The following CCDC73 variants were observed in gnomAD, a reference collection of about 807,000 sequenced individuals.
The protein encoded by CCDC73 is coiled-coil domain containing 73.
Under a neutral mutation model 116.5 loss-of-function variants are expected in CCDC73, and 95 were observed. That is an observed-to-expected ratio of 0.82 (90% CI 0.69 to 0.97). CCDC73 has a LOEUF of 0.97. CCDC73 is among the 50% of genes least tolerant of loss of function. The probability of loss-of-function intolerance (pLI) is 0.00; values close to 1 mark genes in which losing one functional copy is unlikely to be tolerated. For synonymous variants in CCDC73, 398 were observed against 401.3 expected (o/e 0.99, Z 0.10); for missense variants, 1,066 against 1,206.8 (o/e 0.88, Z 1.73).
At chr11:32,817,407 T>C in the CCDC73 span, among the ~76,000 whole-genome samples, 2 of 152,354 alleles carry the variant, frequency 1.3e-5, no homozygotes, top group Admixed American at 1.3e-4. Flanking sequence ...AACCAATGTA[T>C]CACCAGTAGA....
chr11:32,805,407 T>A, the CCDC73 span, among the ~76,000 whole-genome samples: 1 of 152,194 alleles, frequency 6.6e-6, no homozygotes, highest in East Asian at 1.9e-4. Flanking sequence ...CCCTGTGACA[T>A]TAATAAGCAT....
chr11:32,795,815 G>A (rs904012886), upstream of CCDC73, among the ~76,000 whole-genome samples: 40 of 151,622 alleles, frequency 2.6e-4, no homozygotes, highest in Non-Finnish European at 4.4e-4. Flanking sequence ...TCAGCCTCCC[G>A]AGTAGCTGGG....
chr11:32,815,641 T>C, the CCDC73 span, among the ~76,000 whole-genome samples: 7 of 152,224 alleles, frequency 4.6e-5, no homozygotes, highest in Admixed American at 1.3e-4. Context: ...GTGTGTTATG[T>C]TTCCTTTGGT....
intron 9 of CCDC73, among the ~76,000 whole-genome samples, chr11:32,671,116 A>T (rs1352727704): frequency 6.6e-6 from 1 of 152,176 alleles, no homozygotes; most frequent in Admixed American, 6.6e-5. Flanking sequence ...AATAAACAGC[A>T]ATGCTTTGAT....
chr11:32,625,871 T>C (rs1272095598), intron 14 of CCDC73, among the ~76,000 whole-genome samples: 1 of 150,844 alleles, frequency 6.6e-6, no homozygotes, highest in Non-Finnish European at 1.5e-5. Flanking sequence ...ACAGCCAATA[T>C]CATACTGAAT....
At chr11:32,775,805 T>C (rs1850528141) in intron 1 of CCDC73, among the ~76,000 whole-genome samples, 2 of 152,268 alleles carry the variant, frequency 1.3e-5, no homozygotes, top group East Asian at 1.9e-4. Flanking sequence ...TATCTCTTAA[T>C]TTACTTCCAG....
chr11:32,645,324 C>T (rs1855768658), intron 12 of CCDC73, among the ~76,000 whole-genome samples: 1 of 123,484 alleles, frequency 8.1e-6, no homozygotes, highest in Non-Finnish European at 1.6e-5. Flanking sequence ...CAAAGTCTTG[C>T]TCTGTTGCCC....
At chr11:32,780,543 T>G (rs766966692) in intron 1 of CCDC73, among the ~76,000 whole-genome samples, 4 of 152,110 alleles carry the variant, frequency 2.6e-5, no homozygotes, top group Non-Finnish European at 4.4e-5. Flanking sequence ...AAGTTTTATG[T>G]TAACGGATGT....
At chr11:32,683,600 C>T in intron 6 of CCDC73, 26 bp from the exon 7 acceptor site, 1 of 1,301,484 alleles carries the variant, frequency 7.7e-7, no homozygotes, top group Non-Finnish European at 1.1e-6. Flanking sequence ...GGAAAAATCT[C>T]ATTAAAATAC....
chr11:32,731,282 A>C (rs924850695), intron 2 of CCDC73, among the ~76,000 whole-genome samples: 1 of 152,190 alleles, frequency 6.6e-6, no homozygotes, highest in Non-Finnish European at 1.5e-5. Flanking sequence ...CAGGAAGCTC[A>C]AACTGAGTAG....
chr11:32,792,008 ACAC>A (rs1850681254), intron 1 of CCDC73, among the ~76,000 whole-genome samples: 1 of 151,648 alleles, frequency 6.6e-6, no homozygotes, highest in Non-Finnish European at 1.5e-5. Context: ...ACACACACAC[ACAC>A]ACACACACAA....
At chr11:32,623,096 C>T (rs1333050255) in intron 14 of CCDC73, among the ~76,000 whole-genome samples, 1 of 152,026 alleles carries the variant, frequency 6.6e-6, no homozygotes, top group Non-Finnish European at 1.5e-5. Flanking sequence ...GTAACCTCTG[C>T]CTTCCGGTTT....
At chr11:32,810,383 G>A in the CCDC73 span, among the ~76,000 whole-genome samples, 2 of 152,120 alleles carry the variant, frequency 1.3e-5, no homozygotes, top group Admixed American at 6.6e-5. Context: ...TGGAATAACT[G>A]AACTTAAAGC....
At chr11:32,636,784 CTA>C (rs1855682510) in intron 13 of CCDC73, among the ~76,000 whole-genome samples, 4 of 151,802 alleles carry the variant, frequency 2.6e-5, no homozygotes, top group African/African-American at 7.3e-5. Flanking sequence ...ATCTTTAAAT[CTA>C]TCTCTGCAAG....
chr11:32,683,450 A>T, intron 7 of CCDC73, 86 bp downstream of exon 7: 1 of 873,598 alleles, frequency 1.1e-6, no homozygotes, highest in Non-Finnish European at 1.9e-6. Flanking sequence ...TTTTTTCACT[A>T]TAAATGTCAC....
chr11:32,797,565 G>A (rs1850735417), upstream of CCDC73, among the ~76,000 whole-genome samples: 1 of 152,094 alleles, frequency 6.6e-6, no homozygotes, highest in Non-Finnish European at 1.5e-5. Context: ...TCCCTGCTTG[G>A]TGCAATCACT....
At chr11:32,701,192 C>A (rs1849807889) in intron 4 of CCDC73, among the ~76,000 whole-genome samples, 1 of 152,038 alleles carries the variant, frequency 6.6e-6, no homozygotes, top group African/African-American at 2.4e-5. Flanking sequence ...TTAGAGATAC[C>A]AATTATCTTT....
At chr11:32,815,361 GTC>G in the CCDC73 span, among the ~76,000 whole-genome samples, 1 of 149,828 alleles carries the variant, frequency 6.7e-6, no homozygotes, top group African/African-American at 2.5e-5. Context: ...TTGAGACAGA[GTC>G]TTACTTTGTT....
chr11:32,743,441 T>G (rs1834871666), intron 2 of CCDC73, among the ~76,000 whole-genome samples: 1 of 152,044 alleles, frequency 6.6e-6, no homozygotes, highest in Non-Finnish European at 1.5e-5. Flanking sequence ...GCTGGGTAAA[T>G]AACGAAATGA....
Sources: allele counts gnomAD v4.1 joint callset (sites outside exome capture counted in the v4.1 genomes callset), GRCh38; gene constraint gnomAD v4.1.1; transcripts MANE v1.5; gene names NCBI Gene and HGNC (gene_info 2026-07-23, HGNC 2026-07-21).